The following SEZ6 variants were observed in gnomAD, a reference collection of about 807,000 sequenced individuals.
The protein encoded by SEZ6 is seizure protein 6 homolog.
Under a neutral mutation model 101.0 loss-of-function variants are expected in SEZ6, and 53 were observed. That is an observed-to-expected ratio of 0.52 (90% CI 0.42 to 0.66). The LOEUF (loss-of-function observed/expected upper bound fraction) is 0.66, where lower values mean the gene tolerates loss of function less well. Ranked by LOEUF, SEZ6 falls within the 30% of genes least tolerant of loss-of-function variation. The pLI, the probability that SEZ6 is intolerant of heterozygous loss-of-function variation, is 0.00. For missense variants in SEZ6, 1,102 were observed against 1,289.4 expected, an observed-to-expected ratio of 0.85 and a Z score of 2.23; for synonymous variants, 488 against 512.2, an observed-to-expected ratio of 0.95 and a Z score of 0.64.
At chr17:28,957,780 C>T (rs1220231677) in intron 11 of SEZ6, 167 bp downstream of exon 11, 1 of 919,328 alleles carries the variant, frequency 1.1e-6, no homozygotes, top group South Asian at 1.8e-5. Context: ...GGCTGATAAC[C>T]CCATGAAAAG....
At position 28,959,645 on chromosome 17, in the gene SEZ6, C is replaced by T; in HGVS notation, c.1771+53G>A. 1 of 1,539,396 alleles carries T rather than the reference C, an allele frequency of 6.5e-7. No homozygotes were observed. The highest frequency in any genetic ancestry group is 8.7e-7 in the Non-Finnish European group (1 of 1,143,614). ...GGCCCCGGGCTCTGCTGCTATTCTC[C>T]TGGTATGACCCTGCCTTTTGCCCGG... On this transcript the variant is annotated intron_variant, in intron 8 of 16. Transcript: ENST00000317338. This position sits in a 1 kb window ranked among gnomAD's most constrained non-coding sequence, Gnocchi z 4.4.
At chr17:28,980,314 TCTC>T (rs1422118077) in intron 2 of SEZ6, among the ~76,000 whole-genome samples, 2 of 151,488 alleles carry the variant, frequency 1.3e-5, no homozygotes, top group East Asian at 1.9e-4. Flanking sequence ...TTCAAGCTAT[TCTC>T]CTGCTCAGCT....
intron 1 of SEZ6, among the ~76,000 whole-genome samples, chr17:28,984,370 A>C (rs1448143642): frequency 6.6e-6 from 1 of 152,192 alleles, no homozygotes. Context: ...AGCCCCCTGG[A>C]TCCGGGCATT....
intron 3 of SEZ6, 35 bp downstream of exon 3, chr17:28,979,645 C>T (rs930257472): frequency 1.9e-6 from 3 of 1,613,646 alleles, no homozygotes; most frequent in African/African-American, 1.3e-5. Context: ...ATACACCCGC[C>T]CCAGCTTTGC....
chr17:28,997,049 C>T (rs911367184), intron 1 of SEZ6, among the ~76,000 whole-genome samples: 1 of 152,086 alleles, frequency 6.6e-6, no homozygotes, highest in Admixed American at 6.6e-5. Context: ...GAGCATCACT[C>T]GACCTGAGCA....
At position 28,959,409 on chromosome 17, in the gene SEZ6, G is replaced by A. The variant is rs771765507; in HGVS notation, c.1835C>T (p.Pro612Leu). ...GVVLSPNWPE[P>L]YGRGQDCIWG... ...GATACAATCCTGCCCACGACCGTAGGGCTCTGGCCAGTTGGGAGAGAGTAC... is the reference window on the plus strand; with the variant it reads ...GATACAATCCTGCCCACGACCGTAGAGCTCTGGCCAGTTGGGAGAGAGTAC... The change falls in exon 9 of 17, where the codon CCC (proline) becomes CTC (leucine). Residue 612 changes from proline to leucine, a missense_variant. Transcript: ENST00000317338. The surrounding 1 kb of genome is among the most constrained non-coding windows in gnomAD (Gnocchi z 4.4). 1.2e-6 allele frequency: 2 copies of A among 1,613,770 alleles called. No individual in the cohort carries two copies. The highest frequency in any genetic ancestry group is 1.3e-5 in the African/African-American group (1 of 74,912).
chr17:28,993,375 A>C (rs2041492343), intron 1 of SEZ6, among the ~76,000 whole-genome samples: 1 of 152,106 alleles, frequency 6.6e-6, no homozygotes, highest in Non-Finnish European at 1.5e-5. Context: ...GGGGGTGTGG[A>C]GCAAGTGGGC....
At chr17:28,967,850 T>G (rs977716897) in intron 4 of SEZ6, among the ~76,000 whole-genome samples, 3 of 152,146 alleles carry the variant, frequency 2.0e-5, no homozygotes, top group South Asian at 2.1e-4. Flanking sequence ...CAGGATGAGC[T>G]TCCTCCTGTT....
At chr17:28,956,779 A>G (rs1251614367) in intron 13 of SEZ6, 22 bp from the exon 14 acceptor site, 1 of 1,559,264 alleles carries the variant, frequency 6.4e-7, no homozygotes, top group Admixed American at 1.9e-5. Context: ...GGGGAGGGCC[A>G]AGGGCAGTGA....
rs553515418 is a variant in SEZ6, at chr17:28,981,477, G to A, written c.618C>T (p.Ile206=). The A allele has an allele frequency of 1.6e-5, 26 of 1,585,346 alleles. No individual in the cohort carries two copies. The highest frequency in any genetic ancestry group is 4.0e-5 in the African/African-American group (3 of 74,420). Residue 206 remains isoleucine, a synonymous_variant, in exon 2 of 17, where the codon ATC becomes ATT. Transcript: ENST00000317338. ...AGGAGGTGATGGTCCCCTGGATCCC[G>A]ATCCCTGCGCCCTGGGACACAACCT... is the stretch of plus-strand genomic sequence containing the variant. The part of the protein sequence containing the change: ...VAEVVSQGAG[I]GIQGTITSST...
In SEZ6 at chr17:28,959,169, T is replaced by C. The variant is rs1400042341; in HGVS notation, c.1963A>G (p.Thr655Ala). The change falls in exon 10 of 17, where the codon ACG becomes GCG. Residue 655 changes from threonine (T) to alanine (A), a missense_variant. This residue lies in a region of SEZ6 where 556 missense variants were observed against 735.1 expected (regional missense o/e 0.76). Transcript: ENST00000317338. The surrounding 1 kb of genome is among the most constrained non-coding windows in gnomAD (Gnocchi z 4.4). The part of the protein sequence containing the change: ...VLTFYDGDDL[T>A]ARVLGQYSGP... Reference sequence around the variant, plus strand: ...GAGTACTGGCCCAGAACCCGGGCCGTCAGGTCATCCCCATCATAGAAGGTA... The same window carrying C: ...GAGTACTGGCCCAGAACCCGGGCCGCCAGGTCATCCCCATCATAGAAGGTA... 6.2e-7 allele frequency: 1 copy of C among 1,613,582 alleles called. No individual in the cohort carries two copies. The highest frequency in any genetic ancestry group is 1.7e-5 in the Admixed American group (1 of 59,932).
At chr17:28,962,476 A>G (rs1379836390) in intron 5 of SEZ6, among the ~76,000 whole-genome samples, 2 of 152,202 alleles carry the variant, frequency 1.3e-5, no homozygotes, top group Non-Finnish European at 2.9e-5. Flanking sequence ...GGAAGAATTT[A>G]TAGAATGAAA....
At chr17:28,957,619 C>T in intron 11 of SEZ6, 80 bp from the exon 12 acceptor site, 3 of 1,449,410 alleles carry the variant, frequency 2.1e-6, no homozygotes, top group East Asian at 4.9e-5. Flanking sequence ...TGTTCCAGGC[C>T]AGCTAACTTC....
chr17:28,959,411 C>T lies in SEZ6; in HGVS notation c.1833G>A (p.Glu611=), dbSNP rs1396368538. The change falls in exon 9 of 17, where the codon GAG becomes GAA. Residue 611 remains glutamate (E), a synonymous_variant. Transcript: ENST00000317338. The surrounding 1 kb of genome is among the most constrained non-coding windows in gnomAD (Gnocchi z 4.4). ...TACAATCCTGCCCACGACCGTAGGG[C>T]TCTGGCCAGTTGGGAGAGAGTACCA... ...AGVVLSPNWP[E]PYGRGQDCIW... 2.5e-6 allele frequency: 4 copies of T among 1,613,932 alleles called. No homozygotes were observed. The highest frequency in any genetic ancestry group is 2.2e-5 in the East Asian group (1 of 44,876).
intron 1 of SEZ6, among the ~76,000 whole-genome samples, chr17:28,990,821 A>C (rs2041446569): frequency 6.6e-6 from 1 of 152,042 alleles, no homozygotes; most frequent in Admixed American, 6.5e-5. Context: ...GTAAAAAACC[A>C]AAAAAACACC....
rs1246073360 is a variant in SEZ6, at chr17:28,960,605, G to T, written c.1476C>A (p.Tyr492Ter). ...AGCTGAGCAGGCCCTCAATGGGCAG[G>T]TATTCCACCTCATAGGAATCATACA... Reference protein sequence around the residue: ...PPVYDSYEVEYLPIEGLLSSG... With the variant: ...PPVYDSYEVE The change falls in exon 7 of 17, where the codon TAC becomes TAA. Residue 492 changes from tyrosine to a stop codon, truncating the protein, a stop_gained. Transcript: ENST00000317338. LOFTEE classifies it high-confidence loss of function. 10 of 1,591,880 alleles carry T rather than the reference G, an allele frequency of 6.3e-6. No individual in the cohort carries two copies. Among genetic ancestry groups the T allele is most frequent in the Non-Finnish European group, 8.6e-6 (10 of 1,169,374 alleles).
At chr17:28,993,236 G>A (rs1328483173) in intron 1 of SEZ6, among the ~76,000 whole-genome samples, 3 of 152,094 alleles carry the variant, frequency 2.0e-5, no homozygotes, top group African/African-American at 2.4e-5. Context: ...CTGGGGACTG[G>A]GCTTCGTTCT....
At chr17:28,976,380 T>A (rs2041220799) in intron 3 of SEZ6, among the ~76,000 whole-genome samples, 1 of 152,218 alleles carries the variant, frequency 6.6e-6, no homozygotes, top group South Asian at 2.1e-4. Context: ...CAGCATGGTG[T>A]CTGGCTGCTT....
chr17:28,977,591 T>A (rs962634639), intron 3 of SEZ6, among the ~76,000 whole-genome samples: 2 of 152,080 alleles, frequency 1.3e-5, no homozygotes, highest in Non-Finnish European at 2.9e-5. Flanking sequence ...GCATCCAGCA[T>A]GGGGCTTGTG....
Sources: allele counts gnomAD v4.1 joint callset (sites outside exome capture counted in the v4.1 genomes callset), GRCh38; gene constraint gnomAD v4.1.1; regional missense constraint gnomAD v4.1.1; non-coding constraint Gnocchi (gnomAD v3.1); transcripts MANE v1.5; gene names NCBI Gene and HGNC (gene_info 2026-07-23, HGNC 2026-07-21).